The following UNC5C variants were observed in gnomAD, a reference collection of about 807,000 sequenced individuals.
The protein encoded by UNC5C is netrin receptor UNC5C.
Under a neutral mutation model 99.8 loss-of-function variants are expected in UNC5C, and 47 were observed. The observed-to-expected ratio is 0.47, with a 90% CI of 0.37 to 0.60. UNC5C has a LOEUF of 0.60. Ranked by LOEUF, UNC5C falls within the 20% of genes least tolerant of loss-of-function variation. UNC5C has a pLI of 0.00. For synonymous variants in UNC5C, 487 were observed against 452.2 expected, an observed-to-expected ratio of 1.08 and a Z score of -0.98; for missense variants, 1,062 against 1,165.9, an observed-to-expected ratio of 0.91 and a Z score of 1.30.
In UNC5C at chr4:95,547,657, C is replaced by G. The variant is rs547419442; in HGVS notation, c.124+1077G>C. On this transcript the variant is annotated intron_variant, in intron 1 of 15. Transcript: ENST00000453304. ...CACCACTGAAGTGGGCTAAGAGACC[C>G]AAGTAGGAGCTGGGCTTGGCCAGAA... 8.5e-5 allele frequency among the ~76,000 whole-genome samples: 13 copies of G among 152,362 alleles called. No homozygotes were observed. In the East Asian group the frequency reaches 2.5e-3, roughly 29 times the overall value.
intron 4 of UNC5C, among the ~76,000 whole-genome samples, chr4:95,269,278 GA>G (rs1437894538): frequency 6.6e-6 from 1 of 152,022 alleles, no homozygotes; most frequent in Non-Finnish European, 1.5e-5. Flanking sequence ...CAGTACTGCA[GA>G]GTGGTTTTGT....
In UNC5C at chr4:95,169,326, G is replaced by C. The variant is rs1177486467; in HGVS notation, c.2704C>G (p.Pro902Ala). Residue 902 changes from proline (P) to alanine (A), a missense_variant, in exon 16 of 16, where the codon CCA becomes GCA. Around this residue, in one of 3 missense-constraint regions of UNC5C, gnomAD observed 810 missense variants for 854.5 expected, o/e 0.95. Coordinates refer to ENST00000453304, the MANE Select transcript of UNC5C (RefSeq NM_003728.4). Reference protein sequence around the residue: ...ILDLWEAQNFPDGNLSMLAAV... With the variant: ...ILDLWEAQNFADGNLSMLAAV... ...GCCAGCATGCTCAGGTTTCCATCTG[G>C]GAAGTTCTGTGCTTCCCAAAGATCC... is the stretch of plus-strand genomic sequence containing the variant. The C allele has an allele frequency of 6.2e-7, 1 of 1,614,080 alleles. No homozygotes were observed. Among genetic ancestry groups the C allele is most frequent in the Non-Finnish European group, 8.5e-7 (1 of 1,180,056 alleles).
rs541591292 is a variant in UNC5C, at chr4:95,265,177, A to T, written c.594+13082T>A. Among the ~76,000 whole-genome samples, 9 of 152,126 alleles carry T rather than the reference A, an allele frequency of 5.9e-5. No individual in the cohort carries two copies. The South Asian group carries it at 1.9e-3, about 32-fold the overall frequency. ...ATGCACTGGTTGAGTGACTTTATTCACTCTCAAGGCTGACAACTCACAAAT... is the reference window on the plus strand; with the variant it reads ...ATGCACTGGTTGAGTGACTTTATTCTCTCTCAAGGCTGACAACTCACAAAT... On this transcript the variant is annotated intron_variant, in intron 4 of 15. Transcript: ENST00000453304.
intron 6 of UNC5C, among the ~76,000 whole-genome samples, chr4:95,243,603 TTA>T (rs1739401090): frequency 6.6e-6 from 1 of 152,200 alleles, no homozygotes; most frequent in Non-Finnish European, 1.5e-5. Context: ...TTAGTAAAAA[TTA>T]TATCATTTTA....
At chr4:95,246,950 G>A (rs1162982109) in intron 5 of UNC5C, among the ~76,000 whole-genome samples, 2 of 151,892 alleles carry the variant, frequency 1.3e-5, no homozygotes, top group African/African-American at 4.8e-5. Flanking sequence ...GCTGAGGAGG[G>A]AGGATCATTT....
At chr4:95,522,289 C>T (rs1021467712) in intron 1 of UNC5C, among the ~76,000 whole-genome samples, 3 of 152,010 alleles carry the variant, frequency 2.0e-5, no homozygotes, top group Non-Finnish European at 2.9e-5. Flanking sequence ...TACATTGGTA[C>T]CCTCCAAATG....
intron 7 of UNC5C, chr4:95,222,339 T>A: frequency 3.6e-6 from 3 of 839,140 alleles, no homozygotes; most frequent in Non-Finnish European, 5.2e-6. Context: ...ATAGGAAGCA[T>A]GAAAAATGGT....
intron 1 of UNC5C, among the ~76,000 whole-genome samples, chr4:95,414,631 A>C (rs1663688244): frequency 6.6e-6 from 1 of 152,242 alleles, no homozygotes; most frequent in Admixed American, 6.5e-5. Flanking sequence ...TCGTGATGTC[A>C]GCTTTCTCTA....
chr4:95,526,722 C>A (rs548607749), intron 1 of UNC5C, among the ~76,000 whole-genome samples: 2 of 151,722 alleles, frequency 1.3e-5, no homozygotes, highest in East Asian at 3.9e-4. Flanking sequence ...GAATATGGGG[C>A]CTAAATGGTC....
intron 2 of UNC5C, among the ~76,000 whole-genome samples, chr4:95,322,109 G>T (rs1742713234): frequency 6.6e-6 from 1 of 152,136 alleles, no homozygotes; most frequent in South Asian, 2.1e-4. Context: ...ATGGAATGAG[G>T]TTCAAGTAGA....
chr4:95,428,571 C>G (rs1468270151), intron 1 of UNC5C, among the ~76,000 whole-genome samples: 1 of 152,174 alleles, frequency 6.6e-6, no homozygotes, highest in Middle Eastern at 3.4e-3. Flanking sequence ...AATCCTTTCC[C>G]ATAAACAGTT....
At chr4:95,371,490 G>A (rs1744748463) in intron 1 of UNC5C, among the ~76,000 whole-genome samples, 1 of 151,790 alleles carries the variant, frequency 6.6e-6, no homozygotes, top group African/African-American at 2.4e-5. Flanking sequence ...ATAGGAAGAT[G>A]CAGCATAATC....
At chr4:95,482,471 A>G (rs1721189087) in intron 1 of UNC5C, among the ~76,000 whole-genome samples, 1 of 149,162 alleles carries the variant, frequency 6.7e-6, no homozygotes, top group South Asian at 2.1e-4. Flanking sequence ...GGGATCTAGA[A>G]CTAGAAATAC....
rs190045684 is a variant in UNC5C at position 95,434,185 on chromosome 4, T to A, written c.125-98554A>T. On this transcript the variant is annotated intron_variant, in intron 1 of 15. Coordinates refer to ENST00000453304, the MANE Select transcript of UNC5C (RefSeq NM_003728.4). Reference sequence around the variant, plus strand: ...CTAACACAGGGAAACAGGATGCAGATAGCAGTTGACTGAATGAATTATAGC... The same window carrying A: ...CTAACACAGGGAAACAGGATGCAGAAAGCAGTTGACTGAATGAATTATAGC... Among the ~76,000 whole-genome samples the A allele has an allele frequency of 3.3e-5, 5 of 152,272 alleles. No individual in the cohort carries two copies. In the East Asian group the frequency reaches 9.7e-4, roughly 29 times the overall value.
intron 4 of UNC5C, among the ~76,000 whole-genome samples, chr4:95,268,264 T>C (rs999235445): frequency 4.6e-5 from 7 of 152,244 alleles, no homozygotes; most frequent in South Asian, 4.1e-4. Flanking sequence ...TGTAACCTTT[T>C]ACATAAAGTT....
intron 1 of UNC5C, among the ~76,000 whole-genome samples, chr4:95,379,194 T>G (rs933584057): frequency 6.6e-6 from 1 of 152,098 alleles, no homozygotes; most frequent in Non-Finnish European, 1.5e-5. Context: ...TGCCTCCAAG[T>G]TCACTTAAGT....
At chr4:95,295,600 G>A (rs74319972) in intron 3 of UNC5C, among the ~76,000 whole-genome samples, 5,909 of 152,168 alleles carry the variant, frequency 0.039, 349 homozygotes, top group African/African-American at 0.13. Flanking sequence ...AAAGAACTAT[G>A]GGCCCCTCCA....
At chr4:95,454,416 G>A (rs1444434893) in intron 1 of UNC5C, among the ~76,000 whole-genome samples, 1 of 152,084 alleles carries the variant, frequency 6.6e-6, no homozygotes, top group Non-Finnish European at 1.5e-5. Context: ...TAATGTCTTT[G>A]AGATAGTTTT....
At chr4:95,219,390 A>G (rs770825467) in intron 8 of UNC5C, 77 bp from the exon 9 acceptor site, 5 of 1,416,642 alleles carry the variant, frequency 3.5e-6, no homozygotes, top group Non-Finnish European at 4.8e-6. Flanking sequence ...TCCCCCTCAC[A>G]CTTTCTGAGC....
Sources: gnomAD v4.1 joint callset for allele counts (sites outside exome capture counted in the v4.1 genomes callset) on GRCh38, gnomAD v4.1.1 for gene constraint, gnomAD v4.1.1 regional missense constraint, MANE v1.5 for transcripts, NCBI Gene and HGNC (gene_info 2026-07-23, HGNC 2026-07-21) for gene names.